Variants in EYS observed in about 807,000 individuals in gnomAD.
EYS encodes protein eyes shut homolog.
A neutral mutation model predicts 282.1 loss-of-function variants in EYS; 250 were observed. That is an observed-to-expected ratio of 0.89 (90% CI 0.80 to 0.98). The LOEUF (loss-of-function observed/expected upper bound fraction) is 0.98, where lower values mean the gene tolerates loss of function less well. EYS is among the 50% of genes least tolerant of loss of function. The pLI is 0.00. For synonymous variants in EYS, 1,355 were observed against 1,282.9 expected (o/e 1.06, Z -1.20); for missense variants, 4,016 against 3,709.0 (o/e 1.08, Z -2.15).
chr6:64,105,512 C>A (rs1249074154), intron 31 of EYS, among the ~76,000 whole-genome samples: 1 of 152,058 alleles, frequency 6.6e-6, no homozygotes, highest in Non-Finnish European at 1.5e-5. Flanking sequence ...TGGGTTTTAA[C>A]AAATGTACGA....
In EYS at chr6:65,251,680, C is replaced by G. The variant is rs75213792; in HGVS notation, c.2023+44183G>C. On this transcript the variant is annotated intron_variant, in intron 12 of 42. Coordinates refer to ENST00000503581, the MANE Select transcript of EYS (RefSeq NM_001142800.2). ...TAGCAGGTAAAATGGGTAGAAGACCCAAATGCCAGTGAATTTACCATTTTT... is the reference window on the plus strand; with the variant it reads ...TAGCAGGTAAAATGGGTAGAAGACCGAAATGCCAGTGAATTTACCATTTTT... 3.4e-4 allele frequency among the ~76,000 whole-genome samples: 51 copies of G among 151,968 alleles called. No homozygotes were observed. In the East Asian group the frequency reaches 6.4e-3, roughly 19 times the overall value.
chr6:64,102,905 T>C (rs553346443), intron 31 of EYS, among the ~76,000 whole-genome samples: 38 of 151,836 alleles, frequency 2.5e-4, no homozygotes, highest in African/African-American at 9.0e-4. Flanking sequence ...TTTTTTTTCA[T>C]GACTTCAAAT....
At chr6:64,757,747 TG>T (rs1772998011) in intron 22 of EYS, among the ~76,000 whole-genome samples, 2 of 25,440 alleles carry the variant, frequency 7.9e-5, no homozygotes, top group African/African-American at 1.6e-4. Flanking sequence ...TTTTTCTTTG[TG>T]TGTGTGTGTG....
At chr6:64,608,581 A>G (rs1270484534) in intron 24 of EYS, among the ~76,000 whole-genome samples, 1 of 152,144 alleles carries the variant, frequency 6.6e-6, no homozygotes, top group Non-Finnish European at 1.5e-5. Context: ...AAACGAATTG[A>G]AAACATGTTC....
At chr6:64,555,618 T>C (rs1185257705) in intron 26 of EYS, among the ~76,000 whole-genome samples, 5 of 151,722 alleles carry the variant, frequency 3.3e-5, no homozygotes, top group Admixed American at 6.6e-5. Context: ...CAATTTGTAA[T>C]ATAAAAAATA....
At chr6:63,818,966 G>A (rs1424642681) in intron 36 of EYS, among the ~76,000 whole-genome samples, 2 of 152,160 alleles carry the variant, frequency 1.3e-5, no homozygotes, top group African/African-American at 4.8e-5. Flanking sequence ...AAAACACCTT[G>A]ATCCCCTCCC....
At chr6:64,732,289 T>G (rs574809646) in intron 22 of EYS, among the ~76,000 whole-genome samples, 1 of 150,414 alleles carries the variant, frequency 6.6e-6, no homozygotes, top group East Asian at 2.0e-4. Context: ...TGCACATGTA[T>G]CCCAGAACTT....
chr6:64,549,450 C>T (rs961420806), intron 26 of EYS, among the ~76,000 whole-genome samples: 1 of 152,192 alleles, frequency 6.6e-6, no homozygotes, highest in Non-Finnish European at 1.5e-5. Flanking sequence ...GCCCTTCCAA[C>T]CACCTCCACA....
At chr6:65,071,933 T>C (rs1309515423) in intron 12 of EYS, among the ~76,000 whole-genome samples, 1 of 151,794 alleles carries the variant, frequency 6.6e-6, no homozygotes, top group Non-Finnish European at 1.5e-5. Context: ...TGCATCCCTT[T>C]TTGCTCTTTC....
At chr6:64,156,757 T>G (rs990911500) in intron 31 of EYS, among the ~76,000 whole-genome samples, 2 of 152,188 alleles carry the variant, frequency 1.3e-5, no homozygotes, top group Admixed American at 6.5e-5. Flanking sequence ...CCTAGAGATT[T>G]GTGGAACTTT....
chr6:64,890,271 A>T (rs1360682427), intron 18 of EYS, among the ~76,000 whole-genome samples: 1 of 152,112 alleles, frequency 6.6e-6, no homozygotes, highest in African/African-American at 2.4e-5. Context: ...TGGTCCTGTG[A>T]TCTCGCCCTG....
intron 14 of EYS, among the ~76,000 whole-genome samples, chr6:64,950,134 T>G (rs535502006): frequency 3.9e-5 from 6 of 152,050 alleles, no homozygotes; most frequent in South Asian, 2.1e-4. Flanking sequence ...AATATGTAAT[T>G]TATGAACACA....
intron 35 of EYS, among the ~76,000 whole-genome samples, chr6:63,922,539 G>A (rs1764602275): frequency 6.6e-6 from 1 of 152,066 alleles, no homozygotes; most frequent in Non-Finnish European, 1.5e-5. Context: ...CTCCAGCCTG[G>A]GTGACAGAAT....
At chr6:64,805,282 C>A (rs932097233) in intron 22 of EYS, among the ~76,000 whole-genome samples, 1 of 151,884 alleles carries the variant, frequency 6.6e-6, no homozygotes, top group African/African-American at 2.4e-5. Flanking sequence ...TAAAATTGAA[C>A]TTGATGCTGT....
intron 12 of EYS, among the ~76,000 whole-genome samples, chr6:65,191,755 T>C (rs1257712162): frequency 3.3e-5 from 5 of 151,810 alleles, no homozygotes; most frequent in Non-Finnish European, 7.4e-5. Context: ...AATGACACTG[T>C]AGATTGATAT....
At chr6:64,031,225 A>G (rs4563699) in intron 33 of EYS, among the ~76,000 whole-genome samples, 65,755 of 152,044 alleles carry the variant, frequency 0.43, 15,614 homozygotes, top group African/African-American at 0.64. Context: ...CTGGGTGGGC[A>G]TGGGCTTGGC....
intron 9 of EYS, among the ~76,000 whole-genome samples, chr6:65,346,780 T>C (rs1443057963): frequency 1.3e-5 from 2 of 151,818 alleles, no homozygotes; most frequent in South Asian, 2.1e-4. Flanking sequence ...CGTTTCAACA[T>C]TGTGAAATTT....
intron 2 of EYS, among the ~76,000 whole-genome samples, chr6:65,535,825 C>A (rs1256958364): frequency 6.6e-6 from 1 of 152,040 alleles, no homozygotes; most frequent in African/African-American, 2.4e-5. Flanking sequence ...CTTAAAAACA[C>A]CCTCACAGAA....
intron 12 of EYS, among the ~76,000 whole-genome samples, chr6:65,092,173 A>G (rs1774593038): frequency 6.6e-6 from 1 of 152,174 alleles, no homozygotes; most frequent in African/African-American, 2.4e-5. Flanking sequence ...TGAAACATAG[A>G]AACTCAAGAA....
Sources: gnomAD v4.1 joint callset for allele counts (sites outside exome capture counted in the v4.1 genomes callset) on GRCh38, gnomAD v4.1.1 for gene constraint, MANE v1.5 for transcripts, NCBI Gene and HGNC (gene_info 2026-07-23, HGNC 2026-07-21) for gene names.